Variants in OBP2A observed in about 807,000 individuals in gnomAD.
OBP2A encodes odorant-binding protein 2a.
A neutral mutation model predicts 21.9 loss-of-function variants in OBP2A; 15 were observed. That is an observed-to-expected ratio of 0.69 (90% CI 0.46 to 1.06). The LOEUF is 1.06. Among genes scored for constraint, OBP2A ranks in the 50% least tolerant of loss-of-function variants. The pLI, the probability that OBP2A is intolerant of heterozygous loss-of-function variation, is 0.00. For synonymous variants in OBP2A, 86 were observed against 91.8 expected, an observed-to-expected ratio of 0.94 and a Z score of 0.36; for missense variants, 192 against 220.1, an observed-to-expected ratio of 0.87 and a Z score of 0.81.
rs1348757494 is a variant in OBP2A, at chr9:135,547,917, CG to C, written c.325del (p.Asp109ThrfsTer99). On this transcript the variant is annotated frameshift_variant, in exon 4 of 7. Transcript: ENST00000371776. LOFTEE classifies it high-confidence loss of function. ...ACCTGCAGGAGCTGCCCGGGACGGA[CG>C]ACTACGTCTTTTACTGCAAAGACCA... ...IYLQELPGTD[D>X]YVFYCKDQRR... is the part of the protein sequence containing the mutation. 12 of 1,613,218 alleles carry C rather than the reference CG, an allele frequency of 7.4e-6. No homozygotes were observed. The highest frequency in any genetic ancestry group is 2.7e-5 in the African/African-American group (2 of 74,924).
At position 135,549,287 on chromosome 9, in the gene OBP2A, G is replaced by A. The variant is rs751385654; in HGVS notation, c.491-21G>A. ...GGTCTAGGGCGCCTTCTAATCCCTG[G>A]GTTTTTCTTGGTCTCTGCAGGAAGC... On this transcript the variant is annotated intron_variant, in intron 5 of 6. Coordinates refer to ENST00000371776, the MANE Select transcript of OBP2A (RefSeq NM_014582.3). The A allele has an allele frequency of 4.0e-6, 6 of 1,508,462 alleles. 1 individual carries two copies. The highest frequency in any genetic ancestry group is 5.5e-6 in the Non-Finnish European group (6 of 1,094,050). 93.4% of individuals were successfully genotyped at this position (1,508,462 alleles called of 1,614,324 possible).
At chr9:135,548,403 T>C (rs2118998298) in intron 4 of OBP2A, among the ~76,000 whole-genome samples, 1 of 146,622 alleles carries the variant, frequency 6.8e-6, no homozygotes, top group African/African-American at 2.4e-5. Flanking sequence ...CCCCTGGGGT[T>C]GCTGAGTGGC....
chr9:135,546,268 G>T lies in OBP2A; in HGVS notation c.72+16G>T. The T allele has an allele frequency of 4.0e-6, 6 of 1,487,910 alleles. 1 individual carries two copies. The highest frequency in any genetic ancestry group is 5.5e-6 in the Non-Finnish European group (6 of 1,081,590). 92.2% of individuals were successfully genotyped at this position (1,487,910 alleles called of 1,614,324 possible). On this transcript the variant is annotated intron_variant, in intron 1 of 6. Coordinates refer to ENST00000371776, the MANE Select transcript of OBP2A (RefSeq NM_014582.3). ...GGAGGAGGATGTGAGCTGGGTTGGC[G>T]TGGGCGGATGGAGGAGCCAGGTGGA...
At position 135,546,892 on chromosome 9, in the gene OBP2A, G is replaced by A. The variant is rs1301559676; in HGVS notation, c.187G>A (p.Glu63Lys). 1.9e-6 allele frequency: 3 copies of A among 1,613,674 alleles called. No individual in the cohort carries two copies. Among genetic ancestry groups the A allele is most frequent in the African/African-American group, 2.7e-5 (2 of 74,906 alleles). The change falls in exon 2 of 7, where the codon GAA becomes AAA. Residue 63 changes from glutamate to lysine, a missense_variant. Glu to Lys is a moderately conservative substitution (Grantham distance 56, BLOSUM62 1). Coordinates refer to ENST00000371776, the MANE Select transcript of OBP2A (RefSeq NM_014582.3). ...KVTALGGGNLEATFTFMREDR... is the reference protein window; with the variant it reads ...KVTALGGGNLKATFTFMREDR... ...GACAGCCCTGGGCGGTGGGAACTTG[G>A]AAGCCACGTTCACCTTCATGTGAGT...
intron 3 of OBP2A, 69 bp downstream of exon 3, chr9:135,547,317 G>A: frequency 5.9e-6 from 9 of 1,532,470 alleles, no homozygotes; most frequent in Non-Finnish European, 8.1e-6. Context: ...TGCAGGTGGA[G>A]AGTGCCCAGG....
chr9:135,547,962 C>G lies in OBP2A; in HGVS notation c.369C>G (p.Arg123=). The change falls in exon 4 of 7, where the codon CGC becomes CGG. Residue 123 remains arginine, a synonymous_variant. Coordinates refer to ENST00000371776, the MANE Select transcript of OBP2A (RefSeq NM_014582.3). Reference sequence around the variant, plus strand: ...AAGACCAGCGCCGTGGGGGCCTGCGCTACATGGGAAAGCTTGTGGGTGAGG... The same window carrying G: ...AAGACCAGCGCCGTGGGGGCCTGCGGTACATGGGAAAGCTTGTGGGTGAGG... The part of the protein sequence containing the change: ...YCKDQRRGGL[R]YMGKLVGRNP... 6.2e-7 allele frequency: 1 copy of G among 1,611,024 alleles called. No individual in the cohort carries two copies. Among genetic ancestry groups the G allele is most frequent in the Non-Finnish European group, 8.5e-7 (1 of 1,178,364 alleles).
At position 135,546,141 on chromosome 9, in the gene OBP2A, C is replaced by T. The variant is rs1458638706; in HGVS notation, c.-40C>T. The T allele has an allele frequency of 1.6e-6, 2 of 1,225,384 alleles. No homozygotes were observed. The highest frequency in any genetic ancestry group is 5.0e-5 in the East Asian group (2 of 39,658). 75.9% of individuals were successfully genotyped at this position (1,225,384 alleles called of 1,614,324 possible). ...GAGCCAGCACAGCCTTGTTCAGACG[C>T]CCAGTGACCTGCCGAGGTCGGCAGC... On this transcript the variant is annotated 5_prime_UTR_variant, in exon 1 of 7. Transcript: ENST00000371776.
rs1185381714 is a variant in OBP2A at position 135,547,389 on chromosome 9, T to TG, written c.277+147dup. ...CAAGGAGGGGCTGGCCTCTCCTTCC[T>TG]GGGGGGCTGGTGGCCCTGACATCAG... On this transcript the variant is annotated intron_variant, in intron 3 of 6. Coordinates refer to ENST00000371776, the MANE Select transcript of OBP2A (RefSeq NM_014582.3). The TG allele has an allele frequency of 8.1e-6, 8 of 988,186 alleles. No individual in the cohort carries two copies. In the East Asian group the frequency reaches 1.0e-4, roughly 13 times the overall value. 61.2% of individuals were successfully genotyped at this position (988,186 alleles called of 1,614,324 possible).
At chr9:135,547,686 C>T (rs1190894241) in intron 3 of OBP2A, among the ~76,000 whole-genome samples, 185 bp from the exon 4 acceptor site, 1 of 152,198 alleles carries the variant, frequency 6.6e-6, no homozygotes, top group East Asian at 1.9e-4. Context: ...TGCATTGGGA[C>T]CTTCCGAGAG....
chr9:135,547,805 G>T, intron 3 of OBP2A, 66 bp from the exon 4 acceptor site: 1 of 1,226,940 alleles, frequency 8.2e-7, no homozygotes. Context: ...GTGTTTCTTC[G>T]TGTGGTCCTG....
rs539641478 is a variant in OBP2A at position 135,549,948 on chromosome 9, C to A, written c.*113C>A. 2.4e-5 allele frequency: 37 copies of A among 1,517,062 alleles called. No individual in the cohort carries two copies. The South Asian group carries it at 4.3e-4, about 18-fold the overall frequency. 94.0% of individuals were successfully genotyped at this position (1,517,062 alleles called of 1,614,324 possible). A position where few individuals can be genotyped will look rare whatever the true frequency, so the allele number is the denominator to read the frequency against. ...TTCCCTGCTCCCACCCACCTGACTCCAAATAAAGAGCTTCTCCCCCAGCTC... is the reference window on the plus strand; with the variant it reads ...TTCCCTGCTCCCACCCACCTGACTCAAAATAAAGAGCTTCTCCCCCAGCTC... On this transcript the variant is annotated 3_prime_UTR_variant, in exon 7 of 7. Coordinates refer to ENST00000371776, the MANE Select transcript of OBP2A (RefSeq NM_014582.3).
chr9:135,548,182 A>T (rs1832002458), intron 4 of OBP2A, among the ~76,000 whole-genome samples: 1 of 152,188 alleles, frequency 6.6e-6, no homozygotes, highest in Non-Finnish European at 1.5e-5. Context: ...GCAGGGACAG[A>T]CACGGCCCTC....
Position 135,547,206 on chromosome 9 carries a change from A to G in OBP2A, c.235A>G (p.Ile79Val). The G allele has an allele frequency of 6.2e-7, 1 of 1,612,886 alleles. No individual in the cohort carries two copies. Among genetic ancestry groups the G allele is most frequent in the Non-Finnish European group, 8.5e-7 (1 of 1,179,964 alleles). Residue 79 changes from isoleucine (I) to valine (V), a missense_variant, in exon 3 of 7, where the codon ATC becomes GTC. Physicochemically the swap from Ile to Val is conservative, Grantham distance 29 (BLOSUM62 3). Transcript: ENST00000371776. ...GGAGGATCGGTGCATCCAGAAGAAA[A>G]TCCTGATGCGGAAGACGGAGGAGCC... The part of the protein sequence containing the change: ...MREDRCIQKK[I>V]LMRKTEEPGK...
Position 135,546,223 on chromosome 9 carries a change from G to A in OBP2A, c.43G>A (p.Ala15Thr). 17 of 1,518,966 alleles carry A rather than the reference G, an allele frequency of 1.1e-5. No individual in the cohort carries two copies. The highest frequency in any genetic ancestry group is 1.4e-5 in the Non-Finnish European group (16 of 1,110,370). 94.1% of individuals were successfully genotyped at this position (1,518,966 alleles called of 1,614,324 possible). A position where few individuals can be genotyped will look rare whatever the true frequency, so the allele number is the denominator to read the frequency against. Residue 15 changes from alanine (A) to threonine (T), a missense_variant, in exon 1 of 7, where the codon GCC (alanine) becomes ACC (threonine). Transcript: ENST00000371776. ...GGGTGTCACGCTCGGCCTGGCCGCT[G>A]CCCTGTCCTTCACCCTGGAGGAGGA... ...FLGVTLGLAAALSFTLEEEDI... is the reference protein window; with the variant it reads ...FLGVTLGLAATLSFTLEEEDI...
intron 4 of OBP2A, 46 bp downstream of exon 4, chr9:135,548,027 C>A: frequency 7.4e-7 from 1 of 1,355,970 alleles, no homozygotes; most frequent in Non-Finnish European, 1.0e-6. Context: ...ATGGTCTCTG[C>A]CTCCAGAAGC....
At chr9:135,549,352 G>C in intron 6 of OBP2A, 21 bp downstream of exon 6, 1 of 1,310,952 alleles carries the variant, frequency 7.6e-7, no homozygotes, top group Non-Finnish European at 1.0e-6. Context: ...CTTTAGGAGG[G>C]CACTGGACAA....
Position 135,548,766 on chromosome 9 carries a change from C to T in OBP2A, c.447C>T (p.His149=). 2 of 1,614,048 alleles carry T rather than the reference C, an allele frequency of 1.2e-6. No homozygotes were observed. Among genetic ancestry groups the T allele is most frequent in the South Asian group, 1.1e-5 (1 of 91,078 alleles). The change falls in exon 5 of 7, where the codon CAC becomes CAT. Residue 149 remains histidine, a synonymous_variant. Transcript: ENST00000371776. ...AAGAATTTAAGAAATTGGTGCAGCA[C>T]AAGGGACTCTCGGAGGAGGACATTT... ...ALEEFKKLVQ[H]KGLSEEDIFM...
At position 135,548,694 on chromosome 9, in the gene OBP2A, C is replaced by T; in HGVS notation, c.389-14C>T. On this transcript the variant is annotated splice_polypyrimidine_tract_variant and intron_variant, in intron 4 of 6. Coordinates refer to ENST00000371776, the MANE Select transcript of OBP2A (RefSeq NM_014582.3). ...CTGTCCCCACCTTGGCTCACCTGGC[C>T]ACCTCACCTGCAGGTAGGAATCCTA... The T allele has an allele frequency of 6.2e-7, 1 of 1,613,846 alleles. No homozygotes were observed. Among genetic ancestry groups the T allele is most frequent in the Non-Finnish European group, 8.5e-7 (1 of 1,179,794 alleles).
chr9:135,548,095 G>T lies in OBP2A; in HGVS notation c.388+114G>T, dbSNP rs117026041. ...GGGGGAAAAGGAAGCCCCCTGCGCC[G>T]GCCTTCGTGTGCTAGGCACCAAGCG... On this transcript the variant is annotated intron_variant, in intron 4 of 6. Transcript: ENST00000371776. 44 of 730,326 alleles carry T rather than the reference G, an allele frequency of 6.0e-5. No homozygotes were observed. In the South Asian group the frequency reaches 8.5e-4, roughly 14 times the overall value. The allele number at this position is 730,326 out of a possible 1,614,324, so 45.2% of individuals were successfully genotyped here.
Sources: gnomAD v4.1 joint callset for allele counts (sites outside exome capture counted in the v4.1 genomes callset) on GRCh38, gnomAD v4.1.1 for gene constraint, MANE v1.5 for transcripts, NCBI Gene and HGNC (gene_info 2026-07-23, HGNC 2026-07-21) for gene names.